The following KLHL1 variants were observed in gnomAD, a reference collection of about 807,000 sequenced individuals.
KLHL1 encodes kelch like family member 1, also known as kelch-like protein 1.
In KLHL1, 47 loss-of-function variants were observed where a neutral mutation model predicts 77.7. The ratio of observed to expected loss-of-function variants is 0.60; its 90% confidence interval spans 0.48 to 0.77. The LOEUF (loss-of-function observed/expected upper bound fraction) is 0.77. Ranked by LOEUF, KLHL1 falls within the 30% of genes least tolerant of loss-of-function variation. The pLI, the probability that KLHL1 is intolerant of heterozygous loss-of-function variation, is 0.00. For missense variants in KLHL1, 925 were observed against 910.8 expected (o/e 1.02, Z -0.20); for synonymous variants, 360 against 325.2 (o/e 1.11, Z -1.15).
intron 1 of KLHL1, among the ~76,000 whole-genome samples, chr13:69,978,989 A>G (rs1212896589): frequency 6.6e-6 from 1 of 152,136 alleles, no homozygotes; most frequent in South Asian, 2.1e-4. Context: ...GCTGGGGGTC[A>G]TAGTATTTGA....
At chr13:69,755,555 T>A (rs1874684885) in intron 7 of KLHL1, among the ~76,000 whole-genome samples, 1 of 152,128 alleles carries the variant, frequency 6.6e-6, no homozygotes, top group Non-Finnish European at 1.5e-5. Context: ...ATATTTGTTA[T>A]ATATTTCAAA....
intron 6 of KLHL1, 109 bp from the exon 7 acceptor site, chr13:69,797,071 T>A: frequency 2.3e-6 from 2 of 857,844 alleles, no homozygotes; most frequent in Non-Finnish European, 3.7e-6. Context: ...ATATTCATTT[T>A]TTTTAAAAGA....
intron 3 of KLHL1, among the ~76,000 whole-genome samples, chr13:69,956,094 T>A (rs1281788975): frequency 8.6e-6 from 1 of 116,462 alleles, no homozygotes; most frequent in East Asian, 3.3e-4. Flanking sequence ...TTTTATATAT[T>A]TGATATATAT....
chr13:69,782,455 TC>T (rs1186006016), intron 7 of KLHL1, among the ~76,000 whole-genome samples: 1 of 152,176 alleles, frequency 6.6e-6, no homozygotes, highest in Admixed American at 6.5e-5. Context: ...ATCGGGTCAC[TC>T]CCACCCTAAT....
intron 6 of KLHL1, among the ~76,000 whole-genome samples, chr13:69,833,321 A>G (rs1302977754): frequency 6.6e-6 from 1 of 152,166 alleles, no homozygotes; most frequent in Admixed American, 6.6e-5. Context: ...TTTTCAAAAG[A>G]ACATAAATAA....
chr13:69,779,648 A>T (rs952219722), intron 7 of KLHL1, among the ~76,000 whole-genome samples: 1 of 151,970 alleles, frequency 6.6e-6, no homozygotes, highest in African/African-American at 2.4e-5. Flanking sequence ...GTAAACACAT[A>T]TGTCTATATC....
intron 4 of KLHL1, among the ~76,000 whole-genome samples, chr13:69,895,531 C>T (rs941541279): frequency 2.0e-5 from 3 of 152,028 alleles, no homozygotes; most frequent in Non-Finnish European, 4.4e-5. Context: ...AACAAATCAC[C>T]ATAAATTGTG....
At chr13:69,800,989 T>C (rs1877351245) in intron 6 of KLHL1, among the ~76,000 whole-genome samples, 1 of 152,242 alleles carries the variant, frequency 6.6e-6, no homozygotes, top group African/African-American at 2.4e-5. Flanking sequence ...AAGCCATCAC[T>C]GGTATCTCAA....
At chr13:69,855,094 C>A (rs1879833917) in intron 5 of KLHL1, among the ~76,000 whole-genome samples, 1 of 151,812 alleles carries the variant, frequency 6.6e-6, no homozygotes. Flanking sequence ...ATAATTATAG[C>A]AGAGCGTATT....
intron 3 of KLHL1, among the ~76,000 whole-genome samples, chr13:69,945,330 A>G (rs1255321630): frequency 6.6e-6 from 1 of 152,000 alleles, no homozygotes; most frequent in Non-Finnish European, 1.5e-5. Context: ...ATAAAATATC[A>G]AAAACATAAT....
intron 8 of KLHL1, among the ~76,000 whole-genome samples, chr13:69,731,015 A>G (rs1365052630): frequency 1.3e-5 from 2 of 151,902 alleles, no homozygotes; most frequent in Non-Finnish European, 2.9e-5. Flanking sequence ...AGTGTCTTTA[A>G]AGAAAAATAT....
chr13:70,035,893 AAAAAAGTGTC>A (rs1886227014), intron 1 of KLHL1, among the ~76,000 whole-genome samples: 1 of 152,086 alleles, frequency 6.6e-6, no homozygotes, highest in Non-Finnish European at 1.5e-5. Context: ...GTAGAAATAA[AAAAAAGTGTC>A]AAAAAGCACA....
chr13:69,941,639 T>A (rs945964121), intron 3 of KLHL1, among the ~76,000 whole-genome samples: 1 of 151,524 alleles, frequency 6.6e-6, no homozygotes, highest in Middle Eastern at 3.4e-3. Context: ...TTAAAACAAA[T>A]AAACAAAAGC....
intron 1 of KLHL1, among the ~76,000 whole-genome samples, chr13:70,079,624 A>T (rs977340448): frequency 6.6e-6 from 1 of 152,186 alleles, no homozygotes; most frequent in African/African-American, 2.4e-5. Context: ...CAATGAAGGA[A>T]TAGCAATAAT....
intron 5 of KLHL1, among the ~76,000 whole-genome samples, chr13:69,847,059 C>T (rs1042105924): frequency 1.3e-5 from 2 of 151,370 alleles, no homozygotes; most frequent in African/African-American, 4.8e-5. Flanking sequence ...AAAATACCCT[C>T]TTGTCTAGAA....
chr13:70,022,522 A>G lies in KLHL1; in HGVS notation c.498-46720T>C, dbSNP rs1885831191. On this transcript the variant is annotated intron_variant, in intron 1 of 10. Coordinates refer to ENST00000377844, the MANE Select transcript of KLHL1 (RefSeq NM_020866.3). ...AAAAATTATATATACTTAATACAAT[A>G]TGGTGATCAAACAGGAATATTATGA... Among the ~76,000 whole-genome samples, 2 of 151,928 alleles carry G rather than the reference A, an allele frequency of 1.3e-5. 1 individual carries two copies. The highest frequency in any genetic ancestry group is 4.1e-4 in the South Asian group (2 of 4,836).
intron 1 of KLHL1, among the ~76,000 whole-genome samples, chr13:70,051,848 A>G (rs1886636986): frequency 6.6e-6 from 1 of 151,936 alleles, no homozygotes; most frequent in South Asian, 2.1e-4. Flanking sequence ...GAAATACTTG[A>G]TATCTACATT....
At chr13:69,885,790 T>C (rs1164825529) in intron 4 of KLHL1, among the ~76,000 whole-genome samples, 1 of 152,070 alleles carries the variant, frequency 6.6e-6, no homozygotes, top group Non-Finnish European at 1.5e-5. Context: ...TGGATTTGAA[T>C]AAAAAAGCTC....
intron 5 of KLHL1, among the ~76,000 whole-genome samples, chr13:69,876,512 C>G (rs1328881965): frequency 6.6e-6 from 1 of 152,120 alleles, no homozygotes; most frequent in Non-Finnish European, 1.5e-5. Context: ...ACTTGAATGT[C>G]CTTGTTATTT....
Sources: allele counts gnomAD v4.1 joint callset (sites outside exome capture counted in the v4.1 genomes callset), GRCh38; gene constraint gnomAD v4.1.1; transcripts MANE v1.5; gene names NCBI Gene and HGNC (gene_info 2026-07-23, HGNC 2026-07-21).